The following CDK6 variants were observed in gnomAD, a reference collection of about 807,000 sequenced individuals.
The protein encoded by CDK6 is cyclin-dependent kinase 6.
CDK6 carries 6 observed loss-of-function variants against 37.1 expected under a neutral mutation model. The observed-to-expected ratio is 0.16, with a 90% confidence interval of 0.09 to 0.32. The LOEUF (loss-of-function observed/expected upper bound fraction) is 0.32, where lower values mean the gene tolerates loss of function less well. CDK6 is among the 10% of genes least tolerant of loss of function. The pLI is 1.00. For synonymous variants in CDK6, 160 were observed against 161.3 expected, an observed-to-expected ratio of 0.99 and a Z score of 0.06; for missense variants, 224 against 418.9, an observed-to-expected ratio of 0.53 and a Z score of 4.06.
At chr7:92,747,277 C>T (rs1799083249) in intron 3 of CDK6, among the ~76,000 whole-genome samples, 1 of 152,196 alleles carries the variant, frequency 6.6e-6, no homozygotes, top group African/African-American at 2.4e-5. Context: ...CAGGTACAGG[C>T]CCTGATTATT....
At chr7:92,654,002 G>A (rs1796633939) in intron 5 of CDK6, among the ~76,000 whole-genome samples, 1 of 152,002 alleles carries the variant, frequency 6.6e-6, no homozygotes, top group South Asian at 2.1e-4. Flanking sequence ...TTTTTTCTCA[G>A]TATTTTGTGA....
chr7:92,803,026 C>T (rs1800623406), intron 2 of CDK6, among the ~76,000 whole-genome samples: 1 of 152,186 alleles, frequency 6.6e-6, no homozygotes, highest in Non-Finnish European at 1.5e-5. Flanking sequence ...CAAATATGCC[C>T]TTCCCATGTA....
chr7:92,650,352 G>C (rs147052473), intron 5 of CDK6, among the ~76,000 whole-genome samples: 12 of 152,314 alleles, frequency 7.9e-5, no homozygotes, highest in African/African-American at 2.9e-4. Flanking sequence ...TTCTCAGCCA[G>C]AGCGCGACAA....
intron 4 of CDK6, among the ~76,000 whole-genome samples, chr7:92,672,198 C>G (rs1226716893): frequency 4.2e-5 from 5 of 118,312 alleles, no homozygotes; most frequent in South Asian, 3.0e-4. Flanking sequence ...CATACACACA[C>G]ACACACACAC....
In CDK6 at chr7:92,609,474, A is replaced by AT. The variant is rs1407953733; in HGVS notation, c.*5665dup. ...AGCTTCTTATGAATTTACATTTGTG[A>AT]TTCCACAAATGTTAAAATTACCTGG... On this transcript the variant is annotated 3_prime_UTR_variant, in exon 8 of 8. Transcript: ENST00000424848. 8.8e-6 allele frequency: 2 copies of AT among 228,416 alleles called. No individual in the cohort carries two copies. Among genetic ancestry groups the AT allele is most frequent in the Non-Finnish European group, 1.7e-5 (2 of 115,438 alleles). 14.1% of individuals were successfully genotyped at this position (228,416 alleles called of 1,614,324 possible). A position where few individuals can be genotyped will look rare whatever the true frequency, so the allele number is the denominator to read the frequency against.
intron 2 of CDK6, among the ~76,000 whole-genome samples, chr7:92,799,305 T>C (rs1444907046): frequency 6.6e-6 from 1 of 152,154 alleles, no homozygotes; most frequent in Non-Finnish European, 1.5e-5. Context: ...ATGCAGTCTT[T>C]AGGCTCTTCC....
intron 5 of CDK6, among the ~76,000 whole-genome samples, chr7:92,648,339 G>T (rs534402092): frequency 6.6e-6 from 1 of 152,084 alleles, no homozygotes; most frequent in Non-Finnish European, 1.5e-5. Context: ...CACATCCTTC[G>T]CAGGTCTTGA....
At chr7:92,795,942 T>G (rs1361333447) in intron 2 of CDK6, among the ~76,000 whole-genome samples, 1 of 152,092 alleles carries the variant, frequency 6.6e-6, no homozygotes, top group Non-Finnish European at 1.5e-5. Context: ...AAAGCCACCT[T>G]CTTGTCCTAC....
chr7:92,657,724 C>G (rs555428881), intron 5 of CDK6, among the ~76,000 whole-genome samples: 2 of 152,228 alleles, frequency 1.3e-5, no homozygotes, highest in African/African-American at 4.8e-5. Flanking sequence ...ATGTTTTCCA[C>G]TTAATATTTT....
intron 2 of CDK6, among the ~76,000 whole-genome samples, chr7:92,827,888 G>T (rs2106931): frequency 0.024 from 3,663 of 152,152 alleles, 139 homozygotes; most frequent in South Asian, 0.18. Context: ...TCCTCAGAAG[G>T]CATGGAAAAC....
At chr7:92,787,126 G>A (rs1392085640) in intron 2 of CDK6, among the ~76,000 whole-genome samples, 1 of 146,380 alleles carries the variant, frequency 6.8e-6, no homozygotes, top group Non-Finnish European at 1.5e-5. Context: ...AGGTTGCCGT[G>A]AGCAGAGGTT....
Position 92,612,343 on chromosome 7 carries a change from A to G in CDK6, c.*2797T>C, listed in dbSNP as rs1795579684. 1 of 233,132 alleles carries G rather than the reference A, an allele frequency of 4.3e-6. No homozygotes were observed. Among genetic ancestry groups the G allele is most frequent in the African/African-American group, 2.2e-5 (1 of 45,368 alleles). 14.4% of individuals were successfully genotyped at this position (233,132 alleles called of 1,614,324 possible). ...AGTTCACCACTGCTTAGCTTTTGGC[A>G]AAGATGTTTGAAACCATATGTTACA... On this transcript the variant is annotated 3_prime_UTR_variant, in exon 8 of 8. Transcript: ENST00000424848.
rs1432899164 is a variant in CDK6 at position 92,835,154 on chromosome 7, T to G, written c.-368+1324A>C. On this transcript the variant is annotated intron_variant, in intron 1 of 7. Transcript: ENST00000424848. This position sits in a 1 kb window ranked among gnomAD's most constrained non-coding sequence, Gnocchi z 4.2. ...TTCTGGCACTCACTACATTCAGAAC[T>G]TTCCTTAAAAGCCGAGGAAAGAGCC... 2.0e-5 allele frequency: 3 copies of G among 151,966 alleles called. No homozygotes were observed. The highest frequency in any genetic ancestry group is 7.3e-5 in the African/African-American group (3 of 41,352). The allele number at this position is 151,966 out of a possible 1,614,324, so 9.4% of individuals were successfully genotyped here.
intron 5 of CDK6, among the ~76,000 whole-genome samples, chr7:92,637,168 G>A (rs1796192664): frequency 6.6e-6 from 1 of 152,104 alleles, no homozygotes; most frequent in African/African-American, 2.4e-5. Flanking sequence ...GGCCACAGAG[G>A]GCTGCCAGGT....
At chr7:92,652,276 A>G (rs1382367841) in intron 5 of CDK6, among the ~76,000 whole-genome samples, 2 of 152,172 alleles carry the variant, frequency 1.3e-5, no homozygotes, top group African/African-American at 2.4e-5. Flanking sequence ...CAATTCTCCT[A>G]AAGTGTCAAT....
Position 92,612,549 on chromosome 7 carries a change from T to C in CDK6, c.*2591A>G, listed in dbSNP as rs1435873110. On this transcript the variant is annotated 3_prime_UTR_variant, in exon 8 of 8. Transcript: ENST00000424848. The stretch of plus-strand genomic sequence containing the variant: ...CACCGATGGAAGAACTGGGGACAGA[T>C]TTTTACAAAGTTCAGAGAGGCTGAG... 1 of 232,998 alleles carries C rather than the reference T, an allele frequency of 4.3e-6. No homozygotes were observed. Among genetic ancestry groups the C allele is most frequent in the Non-Finnish European group, 8.5e-6 (1 of 117,962 alleles). 14.4% of individuals were successfully genotyped at this position (232,998 alleles called of 1,614,324 possible). A position where few individuals can be genotyped will look rare whatever the true frequency, so the allele number is the denominator to read the frequency against.
At chr7:92,800,793 C>A (rs1339478166) in intron 2 of CDK6, among the ~76,000 whole-genome samples, 3 of 152,120 alleles carry the variant, frequency 2.0e-5, no homozygotes, top group Admixed American at 2.0e-4. Flanking sequence ...CATCTCTGGG[C>A]CCATCCCAAA....
At chr7:92,706,404 T>TA (rs1562941621) in intron 4 of CDK6, among the ~76,000 whole-genome samples, 1 of 152,204 alleles carries the variant, frequency 6.6e-6, no homozygotes, top group Non-Finnish European at 1.5e-5. Flanking sequence ...CCTGTCTTTT[T>TA]AAAAAAGCTA....
intron 6 of CDK6, among the ~76,000 whole-genome samples, chr7:92,619,647 C>A (rs1242138394): frequency 6.6e-6 from 1 of 151,698 alleles, no homozygotes; most frequent in Non-Finnish European, 1.5e-5. Flanking sequence ...CCCCTTCCCT[C>A]ACCTACACGG....
Sources: gnomAD v4.1 joint callset for allele counts (sites outside exome capture counted in the v4.1 genomes callset) on GRCh38, gnomAD v4.1.1 for gene constraint, Gnocchi (gnomAD v3.1) non-coding constraint, MANE v1.5 for transcripts, NCBI Gene and HGNC (gene_info 2026-07-23, HGNC 2026-07-21) for gene names.